The following ADGRL3 variants were observed in gnomAD, a reference collection of about 807,000 sequenced individuals.
ADGRL3 encodes adhesion G protein-coupled receptor L3, also known as calcium-independent alpha-latrotoxin receptor 3.
In ADGRL3, 62 loss-of-function variants were observed where a neutral mutation model predicts 153.5. That is an observed-to-expected ratio of 0.40 (90% CI 0.33 to 0.50). ADGRL3 has a LOEUF of 0.50. Ranked by LOEUF, ADGRL3 falls within the 20% of genes least tolerant of loss-of-function variation. The pLI is 0.47. For missense variants in ADGRL3, 1,641 were observed against 1,859.4 expected, an observed-to-expected ratio of 0.88 and a Z score of 2.16; for synonymous variants, 710 against 672.5, an observed-to-expected ratio of 1.06 and a Z score of -0.86.
chr4:61,758,609 C>A (rs1411062158), intron 8 of ADGRL3, among the ~76,000 whole-genome samples: 1 of 152,190 alleles, frequency 6.6e-6, no homozygotes, highest in Non-Finnish European at 1.5e-5. Context: ...ATACAGCACA[C>A]TGATGGGTCT....
intron 9 of ADGRL3, among the ~76,000 whole-genome samples, chr4:61,818,996 A>C (rs1449817314): frequency 6.6e-6 from 1 of 152,204 alleles, no homozygotes; most frequent in Non-Finnish European, 1.5e-5. Context: ...CAAATATTAG[A>C]AATGAGGTAG....
intron 1 of ADGRL3, among the ~76,000 whole-genome samples, chr4:61,215,621 G>T (rs1248264898): frequency 1.5e-5 from 2 of 133,412 alleles, no homozygotes; most frequent in Non-Finnish European, 3.1e-5. Flanking sequence ...GCCCGATCTC[G>T]GCTCCCTGCA....
chr4:61,641,622 A>T (rs1224890342), intron 5 of ADGRL3, among the ~76,000 whole-genome samples: 5 of 151,632 alleles, frequency 3.3e-5, no homozygotes, highest in Non-Finnish European at 7.4e-5. Flanking sequence ...GAACTCATCA[A>T]TTTTTATGGC....
At chr4:61,993,311 G>A (rs1237675951) in intron 19 of ADGRL3, among the ~76,000 whole-genome samples, 1 of 16,054 alleles carries the variant, frequency 6.2e-5, no homozygotes, top group Non-Finnish European at 1.4e-4. Context: ...TTTTTTTTTT[G>A]AGGTGAATTC....
At chr4:61,992,215 C>T (rs914042025) in intron 19 of ADGRL3, among the ~76,000 whole-genome samples, 1 of 152,118 alleles carries the variant, frequency 6.6e-6, no homozygotes, top group African/African-American at 2.4e-5. Flanking sequence ...TCTTACCATT[C>T]ACAAGCTGGA....
chr4:61,455,892 T>C (rs1437180134), intron 2 of ADGRL3, among the ~76,000 whole-genome samples: 3 of 152,024 alleles, frequency 2.0e-5, no homozygotes, highest in Non-Finnish European at 4.4e-5. Flanking sequence ...CTCGGCTCGC[T>C]ACAGCCTCCA....
At chr4:61,389,559 A>G (rs1359324941) in intron 2 of ADGRL3, among the ~76,000 whole-genome samples, 5 of 152,174 alleles carry the variant, frequency 3.3e-5, no homozygotes, top group Admixed American at 1.3e-4. Flanking sequence ...CTTTAAACTG[A>G]AGGTCATTAA....
chr4:61,205,771 A>G (rs532444106), intron 1 of ADGRL3, among the ~76,000 whole-genome samples: 1 of 152,234 alleles, frequency 6.6e-6, no homozygotes, highest in East Asian at 1.9e-4. Flanking sequence ...TTGTTGATCA[A>G]TGGAGAGAAA....
chr4:61,447,618 G>A (rs1171128292), intron 2 of ADGRL3, among the ~76,000 whole-genome samples: 4 of 152,174 alleles, frequency 2.6e-5, no homozygotes, highest in Admixed American at 1.3e-4. Flanking sequence ...AAAGGATACA[G>A]CTGCTTTTTG....
chr4:61,954,392 T>A lies in ADGRL3; in HGVS notation c.2805+6116T>A, dbSNP rs185811269. ...TATAGCTCCTTAACTGCTGTCTGTT[T>A]CCCTCTTTGTTTCTCTTAATTTAAT... On this transcript the variant is annotated intron_variant, in intron 17 of 26. Coordinates refer to ENST00000683033, the MANE Select transcript of ADGRL3 (RefSeq NM_001387552.1). 2.0e-5 allele frequency among the ~76,000 whole-genome samples: 3 copies of A among 152,114 alleles called. No individual in the cohort carries two copies. The East Asian group carries it at 5.8e-4, about 30-fold the overall frequency.
At chr4:61,911,870 C>A (rs1338202332) in intron 12 of ADGRL3, among the ~76,000 whole-genome samples, 1 of 151,852 alleles carries the variant, frequency 6.6e-6, no homozygotes, top group African/African-American at 2.4e-5. Flanking sequence ...GAGGAAAACC[C>A]ACAAATGAAT....
chr4:61,614,822 A>G (rs925651887), intron 5 of ADGRL3, among the ~76,000 whole-genome samples: 4 of 152,262 alleles, frequency 2.6e-5, no homozygotes, highest in Non-Finnish European at 1.5e-5. Flanking sequence ...ATTATAATCT[A>G]TTTTAATTTT....
At chr4:61,969,224 A>G (rs1034938516) in intron 17 of ADGRL3, among the ~76,000 whole-genome samples, 1 of 152,118 alleles carries the variant, frequency 6.6e-6, no homozygotes, top group African/African-American at 2.4e-5. Context: ...ATGATAATGA[A>G]TGTTTATTCT....
At chr4:62,047,685 A>C (rs1400695281) in intron 25 of ADGRL3, among the ~76,000 whole-genome samples, 1 of 152,120 alleles carries the variant, frequency 6.6e-6, no homozygotes, top group Non-Finnish European at 1.5e-5. Context: ...TCATCACTTT[A>C]TCTCTTTAAA....
At chr4:61,306,509 T>C (rs2094795316) in intron 1 of ADGRL3, among the ~76,000 whole-genome samples, 1 of 150,946 alleles carries the variant, frequency 6.6e-6, no homozygotes, top group Non-Finnish European at 1.5e-5. Context: ...TAAATTTCCA[T>C]GTGAACTTTC....
intron 3 of ADGRL3, among the ~76,000 whole-genome samples, chr4:61,499,962 T>G (rs2098365772): frequency 6.8e-6 from 1 of 148,100 alleles, no homozygotes; most frequent in Admixed American, 6.8e-5. Flanking sequence ...GAACTGATAG[T>G]CTGCATTGAA....
intron 1 of ADGRL3, among the ~76,000 whole-genome samples, chr4:61,275,668 A>G (rs1010714457): frequency 6.6e-6 from 1 of 152,140 alleles, no homozygotes; most frequent in Non-Finnish European, 1.5e-5. Context: ...AGATGTTGCC[A>G]CTTGCTATTA....
Position 62,071,997 on chromosome 4 carries a change from C to A in ADGRL3, c.*1089C>A. 5.1e-6 allele frequency: 1 copy of A among 196,712 alleles called. No individual in the cohort carries two copies. Among genetic ancestry groups the A allele is most frequent in the Non-Finnish European group, 1.0e-5 (1 of 96,038 alleles). The allele number at this position is 196,712 out of a possible 1,614,324, so 12.2% of individuals were successfully genotyped here. Reference sequence around the variant, plus strand: ...AGGGCACGTCTGTTGTAATGCAAAGCATATTTGGCAAGCAGTTCATCACCA... The same window carrying A: ...AGGGCACGTCTGTTGTAATGCAAAGAATATTTGGCAAGCAGTTCATCACCA... On this transcript the variant is annotated 3_prime_UTR_variant, in exon 27 of 27. Coordinates refer to ENST00000683033, the MANE Select transcript of ADGRL3 (RefSeq NM_001387552.1).
intron 5 of ADGRL3, among the ~76,000 whole-genome samples, chr4:61,665,859 C>T (rs777627335): frequency 1.3e-5 from 2 of 152,064 alleles, no homozygotes; most frequent in African/African-American, 2.4e-5. Context: ...GCCTCAGTAC[C>T]AAGTGGGAGA....
Sources: gnomAD v4.1 joint callset for allele counts (sites outside exome capture counted in the v4.1 genomes callset) on GRCh38, gnomAD v4.1.1 for gene constraint, MANE v1.5 for transcripts, NCBI Gene and HGNC (gene_info 2026-07-23, HGNC 2026-07-21) for gene names.